The following NEK5 variants were observed in gnomAD, a reference collection of about 807,000 sequenced individuals.
NEK5 encodes the protein serine/threonine-protein kinase Nek5.
Under a neutral mutation model 109.2 loss-of-function variants are expected in NEK5, and 88 were observed. The ratio of observed to expected loss-of-function variants is 0.81; its 90% CI spans 0.68 to 0.96. NEK5 has a LOEUF of 0.96. NEK5 is among the 40% of genes least tolerant of loss of function. The probability of loss-of-function intolerance (pLI) is 0.00; values close to 1 mark genes in which losing one functional copy is unlikely to be tolerated. For missense variants in NEK5, 834 were observed against 920.7 expected, an observed-to-expected ratio of 0.91 and a Z score of 1.22; for synonymous variants, 283 against 299.9, an observed-to-expected ratio of 0.94 and a Z score of 0.58.
intron 9 of NEK5, among the ~76,000 whole-genome samples, chr13:52,102,830 C>T (rs1332965036): frequency 6.6e-6 from 1 of 152,006 alleles, no homozygotes; most frequent in Non-Finnish European, 1.5e-5. Context: ...TTAATTCTGT[C>T]TTATTATCAA....
chr13:52,082,189 C>T (rs923278697), intron 17 of NEK5: 5 of 262,534 alleles, frequency 1.9e-5, no homozygotes, highest in African/African-American at 9.5e-5. Flanking sequence ...GTGGCAGGCG[C>T]CTATAATTCC....
intron 13 of NEK5, among the ~76,000 whole-genome samples, chr13:52,091,460 A>G (rs1054430697): frequency 2.0e-5 from 3 of 152,236 alleles, no homozygotes; most frequent in African/African-American, 4.8e-5. Context: ...ACAGTGCCCA[A>G]TATCTTTAAA....
At chr13:52,116,920 T>C (rs566339642) in intron 4 of NEK5, among the ~76,000 whole-genome samples, 65 of 152,134 alleles carry the variant, frequency 4.3e-4, no homozygotes, top group African/African-American at 1.5e-3. Flanking sequence ...ACATCCTATT[T>C]TCTTTTTTTT....
At chr13:52,068,248 TC>T (rs1221740172) in intron 20 of NEK5, among the ~76,000 whole-genome samples, 3 of 152,116 alleles carry the variant, frequency 2.0e-5, no homozygotes, top group Non-Finnish European at 4.4e-5. Flanking sequence ...CTGTCCACCC[TC>T]CTTATTCTTT....
intron 23 of NEK5, among the ~76,000 whole-genome samples, chr13:52,037,519 T>C (rs1171440911): frequency 2.0e-5 from 3 of 152,202 alleles, no homozygotes; most frequent in East Asian, 1.9e-4. Context: ...GCTCTTACTA[T>C]ATGTCCATCA....
chr13:52,063,425 A>G (rs1364338510), intron 21 of NEK5, among the ~76,000 whole-genome samples: 2 of 151,794 alleles, frequency 1.3e-5, no homozygotes, highest in Non-Finnish European at 2.9e-5. Context: ...GCTCGCTACA[A>G]CCTCCACCTC....
At chr13:52,066,501 C>T (rs533440633) in intron 20 of NEK5, among the ~76,000 whole-genome samples, 3 of 151,424 alleles carry the variant, frequency 2.0e-5, no homozygotes, top group East Asian at 3.9e-4. Flanking sequence ...GATAGCTCTT[C>T]CCTGTTCAAA....
At chr13:52,109,907 T>C (rs1276479875) in intron 7 of NEK5, among the ~76,000 whole-genome samples, 3 of 152,168 alleles carry the variant, frequency 2.0e-5, no homozygotes, top group Non-Finnish European at 4.4e-5. Flanking sequence ...CAAAACCAGG[T>C]TGTAGACCGG....
At chr13:52,041,950 G>T (rs1167978473) in intron 23 of NEK5, among the ~76,000 whole-genome samples, 1 of 151,682 alleles carries the variant, frequency 6.6e-6, no homozygotes, top group Non-Finnish European at 1.5e-5. Flanking sequence ...GAAGCAAGCA[G>T]GATAAAAGAC....
At chr13:52,083,109 G>A (rs1449775278) in intron 17 of NEK5, 151 bp downstream of exon 17, 5 of 559,170 alleles carry the variant, frequency 8.9e-6, no homozygotes, top group Non-Finnish European at 1.6e-5. Context: ...TCGCACGACT[G>A]CACTCCAACC....
intron 12 of NEK5, among the ~76,000 whole-genome samples, chr13:52,094,797 G>C (rs965133270): frequency 4.6e-5 from 7 of 152,250 alleles, no homozygotes; most frequent in Middle Eastern, 6.8e-3. Flanking sequence ...GCCCAGAATT[G>C]ACCATAATTA....
chr13:52,084,700 G>A (rs920448808), intron 16 of NEK5, among the ~76,000 whole-genome samples: 8 of 145,228 alleles, frequency 5.5e-5, no homozygotes, highest in African/African-American at 2.0e-4. Flanking sequence ...ACCATGTCCG[G>A]CTAATTTAAA....
intron 4 of NEK5, among the ~76,000 whole-genome samples, chr13:52,114,189 C>T (rs775247845): frequency 2.6e-5 from 4 of 152,134 alleles, no homozygotes; most frequent in African/African-American, 9.7e-5. Flanking sequence ...GTAGTTAGCA[C>T]ATCAAAGGGG....
intron 23 of NEK5, among the ~76,000 whole-genome samples, chr13:52,037,652 G>C (rs528973042): frequency 5.3e-4 from 80 of 152,248 alleles, no homozygotes; most frequent in Non-Finnish European, 9.9e-4. Flanking sequence ...GGCCGGGCGC[G>C]GTGGCTCACG....
rs879660846 is a variant in NEK5 at position 52,084,709 on chromosome 13, AAG to A, written c.1480-1359_1480-1358del. ...CAAACCACCATGTCCGGCTAATTTA[AAG>A]AGAGAGAGAGAGAGAGAGAGAGTGA... On this transcript the variant is annotated intron_variant, in intron 16 of 23. Transcript: ENST00000684899. Among the ~76,000 whole-genome samples the A allele has an allele frequency of 2.3e-3, 213 of 93,728 alleles. 1 individual carries two copies. Among genetic ancestry groups the A allele is most frequent in the Middle Eastern group, 0.011 (2 of 188 alleles). 61.5% of individuals were successfully genotyped at this position (93,728 alleles called of 152,430 possible). A position where few individuals can be genotyped will look rare whatever the true frequency, so the allele number is the denominator to read the frequency against.
intron 20 of NEK5, among the ~76,000 whole-genome samples, chr13:52,067,928 G>C (rs941723312): frequency 6.6e-6 from 1 of 152,060 alleles, no homozygotes; most frequent in Non-Finnish European, 1.5e-5. Context: ...CTGGCCTTGA[G>C]AGATCTGCCC....
intron 12 of NEK5, among the ~76,000 whole-genome samples, chr13:52,096,129 C>T (rs1955410709): frequency 6.6e-6 from 1 of 152,194 alleles, no homozygotes; most frequent in South Asian, 2.1e-4. Context: ...ACTTCCTGTA[C>T]AGCCTGCAGA....
intron 22 of NEK5, among the ~76,000 whole-genome samples, chr13:52,056,956 A>G (rs907171258): frequency 2.0e-5 from 3 of 152,192 alleles, no homozygotes; most frequent in African/African-American, 7.2e-5. Flanking sequence ...TCAGAGCAGA[A>G]CTGAAGGAAA....
At chr13:52,086,098 A>G (rs74854390) in intron 16 of NEK5, among the ~76,000 whole-genome samples, 179 bp downstream of exon 16, 14,287 of 152,120 alleles carry the variant, frequency 0.094, 713 homozygotes, top group Non-Finnish European at 0.12. Flanking sequence ...CTCATAAACC[A>G]TAATAAACTG....
Sources: allele counts gnomAD v4.1 joint callset (sites outside exome capture counted in the v4.1 genomes callset), GRCh38; gene constraint gnomAD v4.1.1; transcripts MANE v1.5; gene names NCBI Gene and HGNC (gene_info 2026-07-23, HGNC 2026-07-21).